Variants in CHN2 observed in about 807,000 individuals in gnomAD.
CHN2 encodes the protein beta-chimaerin.
A neutral mutation model predicts 56.3 loss-of-function variants in CHN2; 35 were observed. The observed-to-expected ratio is 0.62, with a 90% CI of 0.47 to 0.82. CHN2 has a LOEUF of 0.82. CHN2 is among the 40% of genes least tolerant of loss of function. The pLI is 0.00. For synonymous variants in CHN2, 210 were observed against 212.8 expected, an observed-to-expected ratio of 0.99 and a Z score of 0.12; for missense variants, 491 against 580.5, an observed-to-expected ratio of 0.85 and a Z score of 1.58.
intron 2 of CHN2, among the ~76,000 whole-genome samples, chr7:29,172,092 G>A (rs924888898): frequency 6.6e-6 from 1 of 152,164 alleles, no homozygotes; most frequent in African/African-American, 2.4e-5. Context: ...GCAGTATCAC[G>A]TTTATACGCT....
intron 1 of CHN2, among the ~76,000 whole-genome samples, chr7:29,263,454 T>C (rs1789753557): frequency 6.6e-6 from 1 of 151,716 alleles, no homozygotes; most frequent in African/African-American, 2.4e-5. Context: ...CGCCACCCCG[T>C]ATAGGAAGTG....
At chr7:29,305,992 T>A (rs1258610363) in intron 1 of CHN2, among the ~76,000 whole-genome samples, 1 of 152,044 alleles carries the variant, frequency 6.6e-6, no homozygotes, top group Non-Finnish European at 1.5e-5. Flanking sequence ...CACTTCTAGC[T>A]CTGCTGGAAT....
intron 2 of CHN2, among the ~76,000 whole-genome samples, chr7:29,360,965 G>A (rs999471770): frequency 1.3e-5 from 2 of 152,216 alleles, no homozygotes; most frequent in African/African-American, 4.8e-5. Flanking sequence ...GAGTTAGGGA[G>A]CTCCACCTCC....
intron 7 of CHN2, among the ~76,000 whole-genome samples, chr7:29,485,100 T>C (rs1195221747): frequency 1.3e-5 from 2 of 152,146 alleles, no homozygotes; most frequent in Non-Finnish European, 2.9e-5. Flanking sequence ...AAAAAAACTT[T>C]AAAATAGCTG....
upstream of CHN2, chr7:29,193,307 A>T (rs572195018): frequency 1.2e-4 from 18 of 152,006 alleles, no homozygotes; most frequent in Admixed American, 2.6e-4. Context: ...GTGGGTGCGT[A>T]CTGTGATTAT....
rs1024284978 is a variant in CHN2, at chr7:29,509,570, T to C, written c.1235+164T>C. 1.1e-5 allele frequency: 6 copies of C among 538,962 alleles called. No individual in the cohort carries two copies. In the African/African-American group the frequency reaches 1.1e-4, roughly 10 times the overall value. The allele number at this position is 538,962 out of a possible 1,614,324, so 33.4% of individuals were successfully genotyped here. A position where few individuals can be genotyped will look rare whatever the true frequency, so the allele number is the denominator to read the frequency against. On this transcript the variant is annotated intron_variant, in intron 12 of 12. Coordinates refer to ENST00000222792, the MANE Select transcript of CHN2 (RefSeq NM_004067.4). The stretch of plus-strand genomic sequence containing the variant: ...ATCATCCCTATGAAAGGGGCGCCAC[T>C]GTGATGGCTCACGCCTGTAATCCCA...
At chr7:29,345,745 A>C (rs1036692248) in intron 1 of CHN2, among the ~76,000 whole-genome samples, 1 of 152,094 alleles carries the variant, frequency 6.6e-6, no homozygotes, top group African/African-American at 2.4e-5. Context: ...GAATCTCATC[A>C]TGCCTCTGTG....
chr7:29,184,151 T>TGATAGATGGATA (rs1554355223), intron 2 of CHN2, among the ~76,000 whole-genome samples: 1 of 143,322 alleles, frequency 7.0e-6, no homozygotes, highest in African/African-American at 2.6e-5. Flanking sequence ...TACAGATAGA[T>TGATAGATGGATA]GATAGATAGA....
At chr7:29,237,337 C>T (rs1229774554) in intron 1 of CHN2, among the ~76,000 whole-genome samples, 1 of 148,048 alleles carries the variant, frequency 6.8e-6, no homozygotes, top group African/African-American at 2.4e-5. Context: ...AATTCCTCAT[C>T]AGATTCCTGA....
chr7:29,338,565 A>G (rs1325283174), intron 1 of CHN2, among the ~76,000 whole-genome samples: 3 of 152,092 alleles, frequency 2.0e-5, no homozygotes, highest in African/African-American at 7.2e-5. Flanking sequence ...CTGTTTTATA[A>G]GCTGGTTGTG....
chr7:29,261,517 C>T (rs245985), intron 1 of CHN2, among the ~76,000 whole-genome samples: 54,791 of 149,376 alleles, frequency 0.37, 11,551 homozygotes, highest in African/African-American at 0.6. Context: ...AGCCCACACA[C>T]GTTGTCTGGA....
intron 3 of CHN2, among the ~76,000 whole-genome samples, chr7:29,379,520 G>C (rs928129869): frequency 6.6e-5 from 10 of 152,208 alleles, no homozygotes; most frequent in African/African-American, 2.4e-4. Context: ...TGGATTGATG[G>C]ATGGATAGAG....
At chr7:29,470,905 G>A (rs6961514) in intron 6 of CHN2, among the ~76,000 whole-genome samples, 1,862 of 152,216 alleles carry the variant, frequency 0.012, 33 homozygotes, top group African/African-American at 0.042. Flanking sequence ...GGGGAGTTGC[G>A]TCATATATCA....
chr7:29,492,191 C>T lies in CHN2; in HGVS notation c.655-3761C>T, dbSNP rs143981487. On this transcript the variant is annotated intron_variant, in intron 7 of 12. Transcript: ENST00000222792. ...GTCAGAGCACTTTGATGAAATTATT[C>T]AATAATCTATTCATGTCTTCCTGCT... is the stretch of plus-strand genomic sequence containing the variant. Among the ~76,000 whole-genome samples, 31 of 152,252 alleles carry T rather than the reference C, an allele frequency of 2.0e-4. 1 individual carries two copies. In the East Asian group the frequency reaches 5.8e-3, roughly 28 times the overall value.
chr7:29,508,043 A>C (rs1225609980), intron 11 of CHN2, among the ~76,000 whole-genome samples: 2 of 152,192 alleles, frequency 1.3e-5, no homozygotes, highest in Non-Finnish European at 2.9e-5. Context: ...GCCAGAATAC[A>C]CTGTGTCAAG....
At chr7:29,257,611 C>T (rs1789178674) in intron 1 of CHN2, among the ~76,000 whole-genome samples, 1 of 152,200 alleles carries the variant, frequency 6.6e-6, no homozygotes, top group African/African-American at 2.4e-5. Context: ...TCTTTTTACA[C>T]ATGAGGAAAT....
chr7:29,476,532 G>A (rs1188693538), intron 6 of CHN2, among the ~76,000 whole-genome samples: 11 of 79,166 alleles, frequency 1.4e-4, no homozygotes, highest in Admixed American at 2.6e-4. Context: ...GCGAGAGTCC[G>A]TCTCAAAAAA....
At chr7:29,234,666 A>G (rs1328462421) in intron 1 of CHN2, among the ~76,000 whole-genome samples, 1 of 152,222 alleles carries the variant, frequency 6.6e-6, no homozygotes. Context: ...TGTTCAGTCA[A>G]ACTGAAACTT....
intron 2 of CHN2, among the ~76,000 whole-genome samples, chr7:29,161,225 G>A (rs1211729162): frequency 6.6e-6 from 1 of 152,138 alleles, no homozygotes; most frequent in Non-Finnish European, 1.5e-5. Flanking sequence ...ATGAGGGTTT[G>A]TGCAGGGAAA....
Sources: gnomAD v4.1 joint callset for allele counts (sites outside exome capture counted in the v4.1 genomes callset) on GRCh38, gnomAD v4.1.1 for gene constraint, MANE v1.5 for transcripts, NCBI Gene and HGNC (gene_info 2026-07-23, HGNC 2026-07-21) for gene names.